SHTN1: variants seen among roughly 807,000 people sequenced by gnomAD.
SHTN1 encodes the protein shootin-1.
A neutral mutation model predicts 83.1 loss-of-function variants in SHTN1; 42 were observed. That is an observed-to-expected ratio of 0.51 (90% CI 0.39 to 0.65). The LOEUF is 0.65. SHTN1 is among the 30% of genes least tolerant of loss of function. SHTN1 has a pLI of 0.00. For missense variants in SHTN1, 622 were observed against 737.8 expected, an observed-to-expected ratio of 0.84 and a Z score of 1.82; for synonymous variants, 224 against 247.7, an observed-to-expected ratio of 0.90 and a Z score of 0.90.
At chr10:117,020,658 A>C (rs1852247535) in intron 2 of SHTN1, among the ~76,000 whole-genome samples, 1 of 152,066 alleles carries the variant, frequency 6.6e-6, no homozygotes, top group South Asian at 2.1e-4. Flanking sequence ...TAAAAAAAAA[A>C]CTAATTCAAG....
At chr10:117,047,376 T>C (rs1455105246) in intron 2 of SHTN1, among the ~76,000 whole-genome samples, 1 of 140,812 alleles carries the variant, frequency 7.1e-6, no homozygotes, top group Non-Finnish European at 1.5e-5. Context: ...TCAAAAATAT[T>C]TTTTTTTAAA....
At chr10:116,983,672 ATAGATAGATAG>A (rs1851117417) in intron 1 of SHTN1, among the ~76,000 whole-genome samples, 10 of 104,542 alleles carry the variant, frequency 9.6e-5, no homozygotes, top group East Asian at 3.4e-4. Flanking sequence ...AGATAGATAG[ATAGATAGATAG>A]ATAAATACAT....
intron 11 of SHTN1, among the ~76,000 whole-genome samples, 174 bp from the exon 12 acceptor site, chr10:116,921,690 C>T (rs1170519245): frequency 6.6e-6 from 1 of 152,122 alleles, no homozygotes; most frequent in Admixed American, 6.5e-5. Flanking sequence ...AGAAACACGT[C>T]TCATCCTCTT....
At chr10:116,915,931 A>C (rs1429390616) in intron 12 of SHTN1, among the ~76,000 whole-genome samples, 1 of 152,260 alleles carries the variant, frequency 6.6e-6, no homozygotes, top group African/African-American at 2.4e-5. Flanking sequence ...AGAAAAGATG[A>C]AACAGATGTT....
chr10:116,959,562 TA>T (rs201458515), intron 4 of SHTN1, among the ~76,000 whole-genome samples: 3 of 151,894 alleles, frequency 2.0e-5, no homozygotes, highest in African/African-American at 4.8e-5. Flanking sequence ...AAGACAGAGA[TA>T]AAAAAAACAT....
At chr10:116,935,220 A>G (rs1342822426) in intron 9 of SHTN1, among the ~76,000 whole-genome samples, 1 of 152,238 alleles carries the variant, frequency 6.6e-6, no homozygotes, top group Non-Finnish European at 1.5e-5. Flanking sequence ...GCGTGGTGAG[A>G]GAGGGCATCC....
At chr10:116,925,036 G>A (rs1186977360) in intron 11 of SHTN1, among the ~76,000 whole-genome samples, 1 of 152,130 alleles carries the variant, frequency 6.6e-6, no homozygotes, top group South Asian at 2.1e-4. Flanking sequence ...GATTACAGGC[G>A]TGAGCCACTG....
At position 116,954,092 on chromosome 10, in the gene SHTN1, T is replaced by C. The variant is rs139387197; in HGVS notation, c.386A>G (p.Asp129Gly). The C allele has an allele frequency of 3.1e-6, 5 of 1,613,820 alleles. No homozygotes were observed. The African/African-American group carries it at 5.3e-5, about 17-fold the overall frequency. ...IDDEDSTTDTDGAAETCVSVQ... is the reference protein window; with the variant it reads ...IDDEDSTTDTGGAAETCVSVQ... ...TGAGACACAAGTCTCGGCGGCACCG[T>C]CTGTGTCTGTAGTCGAATCTTCATC... The change falls in exon 5 of 17, where the codon GAC (aspartate) becomes GGC (glycine). Residue 129 changes from aspartate (D) to glycine (G), a missense_variant. By Grantham distance (94) the Asp-to-Gly change is moderately conservative. Transcript: ENST00000355371.
At chr10:117,075,889 G>A (rs759722428) in intron 1 of SHTN1, among the ~76,000 whole-genome samples, 1 of 152,174 alleles carries the variant, frequency 6.6e-6, no homozygotes, top group Non-Finnish European at 1.5e-5. Flanking sequence ...ATTTTAGAAA[G>A]ATAACTTTAG....
intron 16 of SHTN1, 186 bp downstream of exon 16, chr10:116,901,579 G>A: frequency 7.1e-6 from 7 of 985,252 alleles, no homozygotes; most frequent in Non-Finnish European, 8.4e-6. Context: ...TACTTGCTTT[G>A]GATCTGAATG....
intron 1 of SHTN1, among the ~76,000 whole-genome samples, chr10:117,117,839 A>C (rs1853870600): frequency 2.0e-5 from 3 of 152,192 alleles, no homozygotes; most frequent in Admixed American, 1.3e-4. Context: ...GAGTAACCAT[A>C]TGCGGCCAAA....
intron 2 of SHTN1, among the ~76,000 whole-genome samples, chr10:117,018,569 T>C (rs138024071): frequency 0.63 from 78,008 of 124,146 alleles, 25,437 homozygotes; most frequent in Middle Eastern, 0.74. Flanking sequence ...GCTCTCACCA[T>C]TTTTTTTTTT....
intron 2 of SHTN1, among the ~76,000 whole-genome samples, chr10:116,969,973 A>G (rs1850548543): frequency 6.6e-6 from 1 of 152,236 alleles, no homozygotes; most frequent in Non-Finnish European, 1.5e-5. Flanking sequence ...GCACAATTTT[A>G]AATTATATTT....
chr10:116,931,545 G>C (rs1848967605), intron 9 of SHTN1, among the ~76,000 whole-genome samples: 1 of 152,130 alleles, frequency 6.6e-6, no homozygotes, highest in African/African-American at 2.4e-5. Context: ...CACCACACCT[G>C]GCCTGAAGTA....
chr10:116,982,889 G>A (rs1213512554), intron 1 of SHTN1, among the ~76,000 whole-genome samples: 1 of 151,996 alleles, frequency 6.6e-6, no homozygotes, highest in African/African-American at 2.4e-5. Flanking sequence ...CTTGAACCCA[G>A]GAGGCGGAGG....
At chr10:116,973,889 C>T (rs1345355911) in intron 2 of SHTN1, 1 of 1,285,400 alleles carries the variant, frequency 7.8e-7, no homozygotes, top group Admixed American at 2.3e-5. Context: ...AATGAAAGGA[C>T]CATCAATTCA....
intron 3 of SHTN1, among the ~76,000 whole-genome samples, chr10:116,963,130 G>A (rs1850254938): frequency 8.6e-6 from 1 of 115,712 alleles, no homozygotes; most frequent in African/African-American, 3.3e-5. Context: ...GGAGTGCAGT[G>A]GCGCAATCTC....
At chr10:116,938,072 T>A (rs1692996155) in intron 9 of SHTN1, among the ~76,000 whole-genome samples, 1 of 152,032 alleles carries the variant, frequency 6.6e-6, no homozygotes. Context: ...TCTAACCTTT[T>A]ATCAAGGTTC....
At chr10:116,894,118 C>G (rs1027565060) in intron 16 of SHTN1, among the ~76,000 whole-genome samples, 1 of 152,078 alleles carries the variant, frequency 6.6e-6, no homozygotes, top group Non-Finnish European at 1.5e-5. Flanking sequence ...TTTGACTGGT[C>G]ACACCAACCA....
Sources: allele counts gnomAD v4.1 joint callset (sites outside exome capture counted in the v4.1 genomes callset), GRCh38; gene constraint gnomAD v4.1.1; transcripts MANE v1.5; gene names NCBI Gene and HGNC (gene_info 2026-07-23, HGNC 2026-07-21).